Variants in PCDH15 observed in about 807,000 individuals in gnomAD.
The protein encoded by PCDH15 is protocadherin-15.
Under a neutral mutation model 178.5 loss-of-function variants are expected in PCDH15, and 129 were observed. The observed-to-expected ratio is 0.72, with a 90% CI of 0.63 to 0.84. PCDH15 has a LOEUF of 0.84. PCDH15 is among the 40% of genes least tolerant of loss of function. The pLI is 0.00. For missense variants in PCDH15, 2,230 were observed against 2,099.9 expected (o/e 1.06, Z -1.21); for synonymous variants, 800 against 732.0 (o/e 1.09, Z -1.50).
intron 2 of PCDH15, among the ~76,000 whole-genome samples, chr10:55,058,595 C>CA (rs1185194978): frequency 3.9e-5 from 6 of 152,256 alleles, no homozygotes; most frequent in African/African-American, 7.2e-5. Context: ...TTACAAAACA[C>CA]AGAGACACAT....
intron 18 of PCDH15, among the ~76,000 whole-genome samples, chr10:54,065,251 G>A (rs1310811749): frequency 6.6e-6 from 1 of 152,154 alleles, no homozygotes; most frequent in African/African-American, 2.4e-5. Context: ...AAACTATCAG[G>A]ACAGATAACT....
intron 2 of PCDH15, among the ~76,000 whole-genome samples, chr10:55,351,319 A>C (rs1209002040): frequency 6.6e-6 from 1 of 151,696 alleles, no homozygotes; most frequent in Non-Finnish European, 1.5e-5. Context: ...TCAGAGGAAG[A>C]AAAAAAATAA....
At chr10:55,090,642 C>A (rs1038524431) in intron 2 of PCDH15, among the ~76,000 whole-genome samples, 1 of 152,066 alleles carries the variant, frequency 6.6e-6, no homozygotes, top group Non-Finnish European at 1.5e-5. Context: ...TATTCTATCA[C>A]CACATTCAGC....
intron 2 of PCDH15, among the ~76,000 whole-genome samples, chr10:54,529,533 C>T (rs951493852): frequency 1.3e-5 from 2 of 152,058 alleles, no homozygotes; most frequent in Non-Finnish European, 2.9e-5. Flanking sequence ...AACAAAGTTT[C>T]TTCACATGGC....
At chr10:55,538,300 G>C (rs1445822041) in intron 2 of PCDH15, among the ~76,000 whole-genome samples, 2 of 152,160 alleles carry the variant, frequency 1.3e-5, no homozygotes, top group Non-Finnish European at 2.9e-5. Context: ...AGATTTATTG[G>C]AATCACTCCT....
At chr10:55,319,763 G>C (rs1843837880), upstream of PCDH15, 1 of 152,262 alleles carries the variant, frequency 6.6e-6, no homozygotes, top group South Asian at 2.1e-4. Context: ...CATCTGAGTT[G>C]GCAGGGACAG....
intron 1 of PCDH15, among the ~76,000 whole-genome samples, chr10:54,697,525 A>G (rs1449815158): frequency 6.6e-6 from 1 of 150,524 alleles, no homozygotes; most frequent in African/African-American, 2.5e-5. Context: ...GTATATATAT[A>G]TATATATATA....
At chr10:54,347,782 C>A (rs1943541900) in intron 5 of PCDH15, among the ~76,000 whole-genome samples, 1 of 152,020 alleles carries the variant, frequency 6.6e-6, no homozygotes, top group African/African-American at 2.4e-5. Context: ...CCCATGCTAC[C>A]AAGTCTTCTA....
intron 1 of PCDH15, among the ~76,000 whole-genome samples, chr10:55,176,059 C>T (rs78849247): frequency 0.015 from 2,233 of 152,122 alleles, 49 homozygotes; most frequent in African/African-American, 0.051. Context: ...CTCCTCTCTC[C>T]AGCTCCGACG....
intron 1 of PCDH15, among the ~76,000 whole-genome samples, chr10:55,291,406 A>G (rs1010917653): frequency 1.3e-5 from 2 of 152,198 alleles, no homozygotes; most frequent in Admixed American, 6.5e-5. Flanking sequence ...ATATTCTATT[A>G]CTATCTGATG....
intron 3 of PCDH15, among the ~76,000 whole-genome samples, chr10:54,523,392 T>C (rs552401587): frequency 6.6e-6 from 1 of 152,298 alleles, no homozygotes; most frequent in South Asian, 2.1e-4. Flanking sequence ...CTTAACAGAT[T>C]CATTTCTATT....
At chr10:54,834,290 A>C (rs963031211) in intron 3 of PCDH15, among the ~76,000 whole-genome samples, 1 of 151,978 alleles carries the variant, frequency 6.6e-6, no homozygotes, top group Admixed American at 6.6e-5. Context: ...CCCAGGTTCA[A>C]GTGATTCTCC....
intron 7 of PCDH15, among the ~76,000 whole-genome samples, chr10:54,323,069 T>G (rs2061709402): frequency 6.6e-6 from 1 of 152,036 alleles, no homozygotes; most frequent in Non-Finnish European, 1.5e-5. Flanking sequence ...AACAGACACT[T>G]CTCAAAATAA....
chr10:53,917,188 G>C (rs991408659), intron 25 of PCDH15, among the ~76,000 whole-genome samples: 1 of 152,012 alleles, frequency 6.6e-6, no homozygotes, highest in Non-Finnish European at 1.5e-5. Flanking sequence ...CAAATTTATA[G>C]AAAATTTATT....
intron 5 of PCDH15, among the ~76,000 whole-genome samples, chr10:54,352,649 A>G (rs1373900170): frequency 6.6e-6 from 1 of 152,146 alleles, no homozygotes; most frequent in Non-Finnish European, 1.5e-5. Flanking sequence ...AAAAAGAAGC[A>G]TTACCTTTAG....
chr10:54,733,857 T>C (rs992999114), intron 1 of PCDH15, among the ~76,000 whole-genome samples: 1 of 151,412 alleles, frequency 6.6e-6, no homozygotes, highest in African/African-American at 2.4e-5. Context: ...TAATTTTAAA[T>C]AAATAGTGCC....
chr10:55,187,399 G>A (rs1160414127), intron 1 of PCDH15, among the ~76,000 whole-genome samples: 5 of 151,928 alleles, frequency 3.3e-5, no homozygotes, highest in African/African-American at 7.2e-5. Context: ...AGTTGTATTC[G>A]AATGTAAACT....
chr10:53,832,723 A>C (rs1168065942), intron 29 of PCDH15, among the ~76,000 whole-genome samples: 3 of 152,054 alleles, frequency 2.0e-5, no homozygotes, highest in Non-Finnish European at 2.9e-5. Context: ...AAATATAATC[A>C]ATGCCATGCT....
chr10:54,696,737 C>G (rs959022157), intron 1 of PCDH15, among the ~76,000 whole-genome samples: 1 of 151,716 alleles, frequency 6.6e-6, no homozygotes, highest in African/African-American at 2.4e-5. Context: ...ATTTCTACTT[C>G]GAGCTTTATT....
Sources: gnomAD v4.1 joint callset for allele counts (sites outside exome capture counted in the v4.1 genomes callset) on GRCh38, gnomAD v4.1.1 for gene constraint, MANE v1.5 for transcripts, NCBI Gene and HGNC (gene_info 2026-07-23, HGNC 2026-07-21) for gene names.